Variants in CACNA2D1 observed in about 807,000 individuals in gnomAD.
CACNA2D1 encodes the protein calcium voltage-gated channel auxiliary subunit alpha2delta 1, also known as voltage-dependent calcium channel subunit alpha-2/delta-1.
In CACNA2D1, 53 loss-of-function variants were observed where a neutral mutation model predicts 171.5. That is an observed-to-expected ratio of 0.31 (90% CI 0.25 to 0.39). The LOEUF is 0.39. Among genes scored for constraint, CACNA2D1 ranks in the 10% least tolerant of loss-of-function variants. CACNA2D1 has a pLI of 1.00. For synonymous variants in CACNA2D1, 442 were observed against 443.1 expected (o/e 1.00, Z 0.03); for missense variants, 903 against 1,299.8 (o/e 0.69, Z 4.69).
intron 12 of CACNA2D1, among the ~76,000 whole-genome samples, chr7:82,025,866 A>C (rs1273474927): frequency 6.6e-6 from 1 of 151,680 alleles, no homozygotes; most frequent in East Asian, 1.9e-4. Flanking sequence ...TCTATCCATC[A>C]CTGAAAGTGA....
intron 1 of CACNA2D1, among the ~76,000 whole-genome samples, chr7:82,379,603 T>A (rs186297855): frequency 6.6e-6 from 1 of 152,170 alleles, no homozygotes; most frequent in South Asian, 2.1e-4. Context: ...CATTCAAAGA[T>A]TACTGACTAC....
chr7:81,965,688 T>C (rs755718948), intron 31 of CACNA2D1, 23 bp from the exon 32 acceptor site: 1 of 1,442,684 alleles, frequency 6.9e-7, no homozygotes, highest in Non-Finnish European at 9.8e-7. Flanking sequence ...AGTGAACAGT[T>C]AACACATTTT....
chr7:82,207,752 T>C (rs1386253667), intron 3 of CACNA2D1, among the ~76,000 whole-genome samples: 2 of 152,140 alleles, frequency 1.3e-5, no homozygotes, highest in Non-Finnish European at 2.9e-5. Context: ...TTCCAAAAAA[T>C]TCAGTCTTGT....
chr7:82,346,077 G>A (rs548426761), intron 2 of CACNA2D1, among the ~76,000 whole-genome samples: 3 of 152,040 alleles, frequency 2.0e-5, no homozygotes, highest in Admixed American at 2.0e-4. Context: ...TAAATGACTG[G>A]ATATCTTCTC....
chr7:82,076,954 T>G (rs1809037135), intron 7 of CACNA2D1, among the ~76,000 whole-genome samples: 1 of 152,178 alleles, frequency 6.6e-6, no homozygotes, highest in African/African-American at 2.4e-5. Context: ...AATCCAAAGT[T>G]CATAAACCTC....
intron 3 of CACNA2D1, among the ~76,000 whole-genome samples, chr7:82,226,449 C>T (rs78474725): frequency 0.028 from 4,201 of 152,240 alleles, 153 homozygotes; most frequent in African/African-American, 0.077. Context: ...TATTACCCAT[C>T]CCTTCTAGAG....
In CACNA2D1 at chr7:82,443,510, C is replaced by T. The variant is rs923746447; in HGVS notation, c.-51G>A. ...CTCCCTGCCCAAGCGGGGGAAGGAG[C>T]GGCGCTGGAAACCGCGGGCGGAGGA... On this transcript the variant is annotated 5_prime_UTR_variant, in exon 1 of 39. Transcript: ENST00000356860. 4 of 1,589,192 alleles carry T rather than the reference C, an allele frequency of 2.5e-6. No individual in the cohort carries two copies. In the African/African-American group the frequency reaches 4.1e-5, roughly 16 times the overall value.
intron 3 of CACNA2D1, among the ~76,000 whole-genome samples, chr7:82,280,235 C>A (rs776525789): frequency 6.6e-6 from 1 of 152,056 alleles, no homozygotes; most frequent in Admixed American, 6.6e-5. Flanking sequence ...AGACATTTAA[C>A]ATATAAAAAT....
intron 20 of CACNA2D1, among the ~76,000 whole-genome samples, chr7:81,993,359 T>C (rs1797741821): frequency 6.6e-6 from 1 of 152,150 alleles, no homozygotes; most frequent in African/African-American, 2.4e-5. Context: ...AGCTCATCAA[T>C]ATGGAACATG....
At chr7:82,350,776 T>A (rs1277760664) in intron 1 of CACNA2D1, among the ~76,000 whole-genome samples, 1 of 152,244 alleles carries the variant, frequency 6.6e-6, no homozygotes, top group Non-Finnish European at 1.5e-5. Flanking sequence ...TTGGAATTAC[T>A]AGATCCAAAT....
chr7:82,288,035 T>TTTCA (rs1242256566), intron 3 of CACNA2D1, among the ~76,000 whole-genome samples: 3 of 147,702 alleles, frequency 2.0e-5, no homozygotes, highest in Non-Finnish European at 4.5e-5. Flanking sequence ...AGAGATGGGG[T>TTTCA]TTCACTGTGT....
intron 5 of CACNA2D1, among the ~76,000 whole-genome samples, chr7:82,125,208 A>T (rs1376137610): frequency 1.3e-5 from 2 of 152,348 alleles, no homozygotes; most frequent in East Asian, 3.9e-4. Context: ...TCAATAAAAT[A>T]AAAAGGAGCA....
At chr7:82,116,121 C>T (rs973227450) in intron 6 of CACNA2D1, among the ~76,000 whole-genome samples, 5 of 152,140 alleles carry the variant, frequency 3.3e-5, no homozygotes, top group African/African-American at 9.7e-5. Context: ...TCTTTACAAT[C>T]GCAAGCAGTT....
At chr7:82,210,842 T>G (rs1319084980) in intron 3 of CACNA2D1, among the ~76,000 whole-genome samples, 1 of 152,296 alleles carries the variant, frequency 6.6e-6, no homozygotes, top group South Asian at 2.1e-4. Flanking sequence ...AACAAGAAAC[T>G]TATGAAATAA....
intron 7 of CACNA2D1, among the ~76,000 whole-genome samples, chr7:82,082,190 G>C (rs1161179413): frequency 3.9e-5 from 6 of 152,158 alleles, no homozygotes; most frequent in Non-Finnish European, 8.8e-5. Flanking sequence ...GATGTATGGG[G>C]CAGCTGTCCT....
intron 3 of CACNA2D1, among the ~76,000 whole-genome samples, chr7:82,304,040 A>C (rs1390121583): frequency 6.6e-6 from 1 of 152,174 alleles, no homozygotes; most frequent in African/African-American, 2.4e-5. Context: ...GGACATGAAT[A>C]GACATTTCTC....
chr7:82,382,530 C>T (rs1325937442), intron 1 of CACNA2D1, among the ~76,000 whole-genome samples: 8 of 152,256 alleles, frequency 5.3e-5, no homozygotes, highest in Middle Eastern at 3.4e-3. Context: ...GGCGTGCTGG[C>T]CCATTCACAG....
At chr7:82,408,096 C>T (rs1827254408) in intron 1 of CACNA2D1, among the ~76,000 whole-genome samples, 1 of 151,230 alleles carries the variant, frequency 6.6e-6, no homozygotes, top group Non-Finnish European at 1.5e-5. Flanking sequence ...TCTTGGCTCA[C>T]TGCAACCTCC....
At chr7:82,221,299 T>C (rs559831119) in intron 3 of CACNA2D1, among the ~76,000 whole-genome samples, 39 of 152,264 alleles carry the variant, frequency 2.6e-4, no homozygotes, top group African/African-American at 9.4e-4. Context: ...GTTACAGTGT[T>C]TTAATAGAGA....
Sources: allele counts gnomAD v4.1 joint callset (sites outside exome capture counted in the v4.1 genomes callset), GRCh38; gene constraint gnomAD v4.1.1; transcripts MANE v1.5; gene names NCBI Gene and HGNC (gene_info 2026-07-23, HGNC 2026-07-21).